BCAS1: variants seen among roughly 807,000 people sequenced by gnomAD.
The protein encoded by BCAS1 is brain enriched myelin associated protein 1.
In BCAS1, 46 loss-of-function variants were observed where a neutral mutation model predicts 65.4. That is an observed-to-expected ratio of 0.70 (90% CI 0.55 to 0.90). The LOEUF (loss-of-function observed/expected upper bound fraction) is 0.90. Among genes scored for constraint, BCAS1 ranks in the 40% least tolerant of loss-of-function variants. BCAS1 has a pLI of 0.00. For missense variants in BCAS1, 793 were observed against 771.2 expected, an observed-to-expected ratio of 1.03 and a Z score of -0.33; for synonymous variants, 298 against 293.5, an observed-to-expected ratio of 1.02 and a Z score of -0.16.
At chr20:53,969,553 T>C (rs746164905) in intron 9 of BCAS1, among the ~76,000 whole-genome samples, 2 of 152,166 alleles carry the variant, frequency 1.3e-5, no homozygotes, top group African/African-American at 4.8e-5. Context: ...GGCATTACAA[T>C]AAGGATGGCA....
chr20:53,968,061 G>A (rs569974198), intron 9 of BCAS1, among the ~76,000 whole-genome samples: 9 of 152,256 alleles, frequency 5.9e-5, no homozygotes, highest in African/African-American at 1.7e-4. Context: ...GTCGTGCTAC[G>A]TTGCCCATGC....
At chr20:53,980,108 T>C (rs912331556) in intron 8 of BCAS1, among the ~76,000 whole-genome samples, 30 of 152,200 alleles carry the variant, frequency 2.0e-4, no homozygotes, top group African/African-American at 6.5e-4. Flanking sequence ...CCAAGTACCA[T>C]AACATAGTGT....
chr20:54,044,834 T>C (rs1407572819), intron 3 of BCAS1, among the ~76,000 whole-genome samples: 8 of 93,184 alleles, frequency 8.6e-5, no homozygotes, highest in Non-Finnish European at 1.3e-4. Context: ...GGAGACTCTG[T>C]CTCAAAAAAA....
rs149294553 is a variant in BCAS1, at chr20:54,055,172, G to A, written c.142+2913C>T. Among the ~76,000 whole-genome samples, 914 of 152,188 alleles carry A rather than the reference G, an allele frequency of 6.0e-3. 4 individuals carry two copies. The highest frequency in any genetic ancestry group is 0.031 in the Middle Eastern group (9 of 294). ...GAAGATAATTGAAAACAAACAACCC[G>A]ATTAAAAATTGGGACAAAATGAGAA... On this transcript the variant is annotated intron_variant, in intron 3 of 12. Coordinates refer to ENST00000688948, the MANE Select transcript of BCAS1 (RefSeq NM_001366298.2).
chr20:54,056,580 C>T (rs1215332105), intron 3 of BCAS1, among the ~76,000 whole-genome samples: 1 of 152,120 alleles, frequency 6.6e-6, no homozygotes, highest in Non-Finnish European at 1.5e-5. Flanking sequence ...AACCAAAAAC[C>T]ACTTGTACCC....
At chr20:54,063,474 A>G (rs2092400168) in intron 1 of BCAS1, among the ~76,000 whole-genome samples, 1 of 152,198 alleles carries the variant, frequency 6.6e-6, no homozygotes. Flanking sequence ...GACTCTACCG[A>G]GGAATCCAGC....
chr20:54,018,017 G>A (rs2091475985), intron 4 of BCAS1, among the ~76,000 whole-genome samples: 1 of 152,174 alleles, frequency 6.6e-6, no homozygotes. Flanking sequence ...CTTCCCCAAA[G>A]CGAGAAAACA....
intron 1 of BCAS1, among the ~76,000 whole-genome samples, chr20:54,063,514 C>T (rs1169104720): frequency 4.6e-5 from 7 of 152,216 alleles, no homozygotes; most frequent in African/African-American, 9.6e-5. Flanking sequence ...ATCCTCTCAC[C>T]GAAAAGTCAA....
intron 3 of BCAS1, among the ~76,000 whole-genome samples, chr20:54,050,974 A>T (rs1469981134): frequency 1.3e-5 from 2 of 152,170 alleles, no homozygotes; most frequent in African/African-American, 4.8e-5. Context: ...GGTGGTAAAA[A>T]GCCTTTTTAG....
At chr20:53,966,375 G>A (rs769218242) in intron 10 of BCAS1, among the ~76,000 whole-genome samples, 28 of 152,192 alleles carry the variant, frequency 1.8e-4, no homozygotes, top group Admixed American at 7.2e-4. Flanking sequence ...AGTAACTCAG[G>A]AATGGAAAAC....
At position 53,960,947 on chromosome 20, in the gene BCAS1, A is replaced by AT. The variant is rs768755492; in HGVS notation, c.1486-3451dup. ...TAAAGACTATGAAGTAATTTCAGAG[A>AT]TTTTCCAGTGTGATATTGAGCAACT... On this transcript the variant is annotated intron_variant, in intron 10 of 12. Coordinates refer to ENST00000688948, the MANE Select transcript of BCAS1 (RefSeq NM_001366298.2). Among the ~76,000 whole-genome samples, 12 of 152,342 alleles carry AT rather than the reference A, an allele frequency of 7.9e-5. 1 individual carries two copies. Among genetic ancestry groups the AT allele is most frequent in the East Asian group, 3.9e-4 (2 of 5,188 alleles).
intron 11 of BCAS1, among the ~76,000 whole-genome samples, chr20:53,956,576 A>G (rs80333891): frequency 0.03 from 4,546 of 152,242 alleles, 306 homozygotes; most frequent in East Asian, 0.29. Context: ...TGACAACCCC[A>G]TAAGGAAGTA....
chr20:54,009,092 C>T (rs571991102), intron 4 of BCAS1, among the ~76,000 whole-genome samples: 6 of 152,254 alleles, frequency 3.9e-5, no homozygotes, highest in South Asian at 2.1e-4. Context: ...GGATTACAGG[C>T]GTGAGCCACT....
At chr20:53,981,821 C>CGTGTGTGT (rs3831644) in intron 8 of BCAS1, among the ~76,000 whole-genome samples, 27 of 150,158 alleles carry the variant, frequency 1.8e-4, no homozygotes, top group African/African-American at 4.4e-4. Flanking sequence ...CATGTGCGTG[C>CGTGTGTGT]GTGTGTGTGT....
At chr20:54,021,647 G>A (rs142488896) in intron 4 of BCAS1, among the ~76,000 whole-genome samples, 144 of 152,006 alleles carry the variant, frequency 9.5e-4, no homozygotes, top group African/African-American at 3.0e-3. Flanking sequence ...ACCAAACACC[G>A]CATGTTCTCA....
chr20:54,069,093 G>A lies in BCAS1; in HGVS notation c.-6+1340C>T, dbSNP rs989190924. On this transcript the variant is annotated intron_variant, in intron 1 of 12. Coordinates refer to ENST00000688948, the MANE Select transcript of BCAS1 (RefSeq NM_001366298.2). The stretch of plus-strand genomic sequence containing the variant: ...TGTTCCCCCACCCTCACTTAAATGA[G>A]AAACTACTTTAGCATGCCCCGCCCC... Among the ~76,000 whole-genome samples the A allele has an allele frequency of 3.3e-5, 5 of 152,228 alleles. No homozygotes were observed. The South Asian group carries it at 1.0e-3, about 32-fold the overall frequency.
At chr20:54,036,059 GA>G (rs2091894655) in intron 3 of BCAS1, among the ~76,000 whole-genome samples, 1 of 151,130 alleles carries the variant, frequency 6.6e-6, no homozygotes, top group Non-Finnish European at 1.5e-5. Context: ...TTGGAGGGTG[GA>G]AGGTGGGAGG....
intron 3 of BCAS1, among the ~76,000 whole-genome samples, chr20:54,048,996 G>C: frequency 6.6e-6 from 1 of 152,210 alleles, no homozygotes; most frequent in East Asian, 1.9e-4. Context: ...TGGACACTAG[G>C]AGAACACATG....
intron 4 of BCAS1, among the ~76,000 whole-genome samples, chr20:54,003,557 C>A (rs193055517): frequency 1.1e-3 from 168 of 152,282 alleles, no homozygotes; most frequent in Non-Finnish European, 1.8e-3. Flanking sequence ...CACCAAAGGC[C>A]AGGTTGGAAT....
Sources: gnomAD v4.1 joint callset for allele counts (sites outside exome capture counted in the v4.1 genomes callset) on GRCh38, gnomAD v4.1.1 for gene constraint, MANE v1.5 for transcripts, NCBI Gene and HGNC (gene_info 2026-07-23, HGNC 2026-07-21) for gene names.